PLCH2: variants seen among roughly 807,000 people sequenced by gnomAD.
PLCH2 encodes the protein phospholipase C eta 2, also known as 1-phosphatidylinositol 4,5-bisphosphate phosphodiesterase eta-2.
In PLCH2, 98 loss-of-function variants were observed where a neutral mutation model predicts 134.7. The observed-to-expected ratio is 0.73, with a 90% CI of 0.62 to 0.86. The LOEUF is 0.86. Ranked by LOEUF, PLCH2 falls within the 40% of genes least tolerant of loss-of-function variation. The pLI is 0.00. For synonymous variants in PLCH2, 974 were observed against 827.5 expected (o/e 1.18, Z -3.04); for missense variants, 1,994 against 1,986.6 (o/e 1.00, Z -0.07).
intron 10 of PLCH2, among the ~76,000 whole-genome samples, chr1:2,490,594 G>A (rs1642521198): frequency 6.6e-6 from 1 of 152,194 alleles, no homozygotes; most frequent in Non-Finnish European, 1.5e-5. Context: ...CGTGCTCCTG[G>A]CCACGCGGCC....
upstream of PLCH2, among the ~76,000 whole-genome samples, chr1:2,475,866 G>A (rs899402148): frequency 5.9e-5 from 9 of 152,156 alleles, no homozygotes; most frequent in Admixed American, 3.3e-4. Flanking sequence ...GGGGCTGGGC[G>A]CTGCGGGGAT....
rs1639599044 is a variant in PLCH2 at position 2,439,699 on chromosome 1, T to A, written c.115+9070T>A. ...CGCCCAGGTCTCTGGCCCTGAGCCATCTGTTCACCTGGGGCTGACACTGCC... is the reference window on the plus strand; with the variant it reads ...CGCCCAGGTCTCTGGCCCTGAGCCAACTGTTCACCTGGGGCTGACACTGCC... On this transcript the variant is annotated intron_variant, in intron 2 of 3. Transcript: ENST00000609981. The surrounding 1 kb of genome is among the most constrained non-coding windows in gnomAD (Gnocchi z 4.7). Among the ~76,000 whole-genome samples, 1 of 152,140 alleles carries A rather than the reference T, an allele frequency of 6.6e-6. No homozygotes were observed. Among genetic ancestry groups the A allele is most frequent in the South Asian group, 2.1e-4 (1 of 4,820 alleles).
chr1:2,489,076 G>C (rs1642425222), intron 8 of PLCH2, 131 bp from the exon 9 acceptor site: 4 of 803,602 alleles, frequency 5.0e-6, no homozygotes, highest in South Asian at 1.7e-5. Context: ...GGTAATCCCA[G>C]CTATCCTGGG....
intron 11 of PLCH2, chr1:2,494,514 G>A (rs908061996): frequency 5.2e-5 from 21 of 405,628 alleles, no homozygotes; most frequent in Middle Eastern, 7.4e-4. Flanking sequence ...CAGTTATTAC[G>A]TAGTCACCAC....
At chr1:2,420,648 G>C in the PLCH2 span, among the ~76,000 whole-genome samples, 1 of 152,210 alleles carries the variant, frequency 6.6e-6, no homozygotes, top group African/African-American at 2.4e-5. Flanking sequence ...GAGAGGGAGA[G>C]TTTAAGGGCA....
At chr1:2,462,802 C>T (rs560049234), upstream of PLCH2, among the ~76,000 whole-genome samples, 11 of 152,148 alleles carry the variant, frequency 7.2e-5, no homozygotes, top group African/African-American at 2.4e-4. Flanking sequence ...GCTCCCACCC[C>T]CTAGCCACTG....
Position 2,504,829 on chromosome 1 carries a change from G to C in PLCH2, c.3867G>C (p.Val1289=), listed in dbSNP as rs1318676727. ...SLGLPGGTRR[V]SGPGVRRDTL... ...GCCTCCCGGGAGGGACACGGCGGGTGTCGGGGCCAGGGGTGAGACGGGACA... is the reference window on the plus strand; with the variant it reads ...GCCTCCCGGGAGGGACACGGCGGGTCTCGGGGCCAGGGGTGAGACGGGACA... The change falls in exon 22 of 22, where the codon GTG becomes GTC. Residue 1289 remains valine, a synonymous_variant. Transcript: ENST00000378486. 15 of 1,608,594 alleles carry C rather than the reference G, an allele frequency of 9.3e-6. No individual in the cohort carries two copies. Among genetic ancestry groups the C allele is most frequent in the Non-Finnish European group, 1.3e-5 (15 of 1,178,316 alleles).
chr1:2,434,005 C>T (rs924445309), intron 2 of PLCH2, among the ~76,000 whole-genome samples: 7 of 152,276 alleles, frequency 4.6e-5, no homozygotes, highest in Admixed American at 3.3e-4. Context: ...CCAGGAAACT[C>T]GACGAGCTGC....
chr1:2,487,511 G>T, intron 7 of PLCH2, 87 bp from the exon 8 acceptor site: 1 of 1,522,988 alleles, frequency 6.6e-7, no homozygotes, highest in South Asian at 1.2e-5. Flanking sequence ...TGAGCAATGG[G>T]ACAGGCCCTC....
At chr1:2,435,031 C>T (rs746802963) in intron 2 of PLCH2, among the ~76,000 whole-genome samples, 9 of 152,286 alleles carry the variant, frequency 5.9e-5, no homozygotes, top group Middle Eastern at 3.4e-3. Context: ...TGCAGCAGGC[C>T]GGGCAGAACA....
intron 1 of PLCH2, among the ~76,000 whole-genome samples, chr1:2,468,760 C>A (rs1641190780): frequency 6.6e-6 from 1 of 152,204 alleles, no homozygotes; most frequent in African/African-American, 2.4e-5. Context: ...GCTGGGCAGA[C>A]TGGGGACGGG....
Position 2,444,807 on chromosome 1 carries a change from G to A in PLCH2, c.115+14178G>A, listed in dbSNP as rs978198743. Reference sequence around the variant, plus strand: ...TCCCTCCAGGAGAATGGACCCGATCGGTGTCCCCTTCGTCCCCTGACACGT... The same window carrying A: ...TCCCTCCAGGAGAATGGACCCGATCAGTGTCCCCTTCGTCCCCTGACACGT... On this transcript the variant is annotated intron_variant, in intron 2 of 3. Transcript: ENST00000609981. This position sits in a 1 kb window ranked among gnomAD's most constrained non-coding sequence, Gnocchi z 4.6. 2.0e-5 allele frequency among the ~76,000 whole-genome samples: 3 copies of A among 151,918 alleles called. No individual in the cohort carries two copies. Among genetic ancestry groups the A allele is most frequent in the East Asian group, 1.9e-4 (1 of 5,148 alleles).
intron 14 of PLCH2, 59 bp from the exon 15 acceptor site, chr1:2,496,769 G>C: frequency 6.2e-7 from 1 of 1,610,694 alleles, no homozygotes; most frequent in Non-Finnish European, 8.5e-7. Flanking sequence ...CTGCTATGCT[G>C]CTGGGCGCCG....
intron 2 of PLCH2, among the ~76,000 whole-genome samples, chr1:2,455,996 G>T (rs1456201172): frequency 3.3e-5 from 5 of 152,252 alleles, no homozygotes; most frequent in Admixed American, 1.3e-4. Flanking sequence ...TCTGGTAGGA[G>T]CTCGGCAAGT....
At chr1:2,497,123 C>A in intron 15 of PLCH2, 113 bp downstream of exon 15, 4 of 1,070,654 alleles carry the variant, frequency 3.7e-6, no homozygotes, top group Non-Finnish European at 5.3e-6. Context: ...GTCCTGGGCT[C>A]TATTGCCCTT....
chr1:2,487,827 T>C (rs1338475700), intron 8 of PLCH2, 109 bp downstream of exon 8: 1 of 1,086,992 alleles, frequency 9.2e-7, no homozygotes, highest in Non-Finnish European at 1.3e-6. Flanking sequence ...GAGCAGTGAC[T>C]GTGGTGACCA....
chr1:2,502,297 G>A lies in PLCH2; in HGVS notation c.2847G>A (p.Leu949=), dbSNP rs1319235093. 1.3e-6 allele frequency: 2 copies of A among 1,536,224 alleles called. No individual in the cohort carries two copies. Among genetic ancestry groups the A allele is most frequent in the East Asian group, 2.5e-5 (1 of 40,598 alleles). Reference sequence around the variant, plus strand: ...GCAGGGGCTTCCCGGAGCTGGTCCTGGGTACACGGGACACAGGCTCCAAGG... The same window carrying A: ...GCAGGGGCTTCCCGGAGCTGGTCCTAGGTACACGGGACACAGGCTCCAAGG... ...PGRRGFPELV[L]GTRDTGSKGV... Residue 949 remains leucine (L), a synonymous_variant, in exon 21 of 22, where the codon CTG becomes CTA. Coordinates refer to ENST00000378486, the MANE Select transcript of PLCH2 (RefSeq NM_014638.4).
intron 2 of PLCH2, 88 bp downstream of exon 2, chr1:2,478,710 G>A: frequency 7.7e-7 from 1 of 1,295,614 alleles, no homozygotes; most frequent in Non-Finnish European, 1.1e-6. Context: ...ACTGATGGCT[G>A]AGGAGCAGCG....
rs147662084 is a variant in PLCH2, at chr1:2,431,147, CGT to C, written c.115+532_115+533del. On this transcript the variant is annotated intron_variant, in intron 2 of 3. Transcript: ENST00000609981. ...GCTGGCTGCCCTGCGTGTGCGTGTGCGTGTGTGTGTGTGTGCACACCGCTATC... is the reference window on the plus strand; with the variant it reads ...GCTGGCTGCCCTGCGTGTGCGTGTGCGTGTGTGTGTGTGCACACCGCTATC... Among the ~76,000 whole-genome samples the C allele has an allele frequency of 2.0e-5, 3 of 151,190 alleles. 1 individual carries two copies.
Sources: allele counts gnomAD v4.1 joint callset (sites outside exome capture counted in the v4.1 genomes callset), GRCh38; gene constraint gnomAD v4.1.1; non-coding constraint Gnocchi (gnomAD v3.1); transcripts MANE v1.5; gene names NCBI Gene and HGNC (gene_info 2026-07-23, HGNC 2026-07-21).